The following MYOM2 variants were observed in gnomAD, a reference collection of about 807,000 sequenced individuals.
MYOM2 encodes myomesin 2, also known as myomesin-2.
A neutral mutation model predicts 187.6 loss-of-function variants in MYOM2; 254 were observed. The ratio of observed to expected loss-of-function variants is 1.35; its 90% CI spans 1.22 to 1.50. MYOM2 has a LOEUF of 1.50. MYOM2 is among the 40% of genes most tolerant of loss of function. The probability of loss-of-function intolerance (pLI) is 0.00; values close to 1 mark genes in which losing one functional copy is unlikely to be tolerated. For missense variants in MYOM2, 2,796 were observed against 1,924.0 expected, an observed-to-expected ratio of 1.45 and a Z score of -8.48; for synonymous variants, 981 against 753.8, an observed-to-expected ratio of 1.30 and a Z score of -4.94.
Position 2,094,007 on chromosome 8 carries a change from A to C in MYOM2, c.2041A>C (p.Ile681Leu), listed in dbSNP as rs78708377. ...CGGCTTAACCACGGGAGAGCAGTAC[A>C]TCTTCCGAGTCAAGGCGGTCAATGC... ...VHGLTTGEQY[I>L]FRVKAVNAVG... The change falls in exon 17 of 37, where the codon ATC becomes CTC. Residue 681 changes from isoleucine (I) to leucine (L), a missense_variant. Physicochemically the swap from Ile to Leu is conservative, Grantham distance 5. Coordinates refer to ENST00000262113, the MANE Select transcript of MYOM2 (RefSeq NM_003970.4). 6.2e-3 allele frequency: 10,064 copies of C among 1,614,144 alleles called. 99 individuals are homozygous for C. The highest frequency in any genetic ancestry group is 0.043 in the African/African-American group (3,234 of 75,030).
intron 8 of MYOM2, among the ~76,000 whole-genome samples, chr8:2,070,513 G>T (rs1477358846): frequency 2.0e-5 from 3 of 152,200 alleles, no homozygotes; most frequent in Admixed American, 6.5e-5. Context: ...CTGGGTGTCT[G>T]TGTGTAGCTC....
chr8:2,141,251 A>G, intron 34 of MYOM2, 74 bp downstream of exon 34: 1 of 1,344,152 alleles, frequency 7.4e-7, no homozygotes, highest in Non-Finnish European at 1.1e-6. Flanking sequence ...TGCATGTGGG[A>G]ATCTGTATGG....
chr8:2,106,693 G>A (rs1796906231), intron 23 of MYOM2, 96 bp downstream of exon 23: 3 of 824,006 alleles, frequency 3.6e-6, no homozygotes, highest in Non-Finnish European at 5.5e-6. Context: ...TTAGAAAAAA[G>A]ACGTATGTTT....
chr8:2,066,196 G>A (rs907493433), intron 6 of MYOM2, among the ~76,000 whole-genome samples: 3 of 152,186 alleles, frequency 2.0e-5, no homozygotes, highest in South Asian at 2.1e-4. Flanking sequence ...GCAGGGTCAC[G>A]TGCAGCGGTT....
Position 2,085,156 on chromosome 8 carries a change from A to G in MYOM2, c.1517-107A>G. 5 of 1,408,272 alleles carry G rather than the reference A, an allele frequency of 3.6e-6. No homozygotes were observed. In the South Asian group the frequency reaches 6.9e-5, roughly 19 times the overall value. The allele number at this position is 1,408,272 out of a possible 1,614,324, so 87.2% of individuals were successfully genotyped here. On this transcript the variant is annotated intron_variant, in intron 13 of 36. Transcript: ENST00000262113. ...TTGTTTGACTTCCCCAAATAGAAACAAAACAAGTTCAACACCCACGTGGCA... is the reference window on the plus strand; with the variant it reads ...TTGTTTGACTTCCCCAAATAGAAACGAAACAAGTTCAACACCCACGTGGCA...
rs936100458 is a variant in MYOM2, at chr8:2,092,537, C to G, written c.2003+17C>G. The G allele has an allele frequency of 1.2e-6, 2 of 1,612,524 alleles. No homozygotes were observed. The highest frequency in any genetic ancestry group is 8.5e-7 in the Non-Finnish European group (1 of 1,179,290). On this transcript the variant is annotated intron_variant, in intron 16 of 36. Transcript: ENST00000262113. The stretch of plus-strand genomic sequence containing the variant: ...ATACAACAGGTGCGGCCTCCCTCCC[C>G]AGCCCTGGAGTCAGCCTTGCAGGAG...
In MYOM2 at chr8:2,145,388, C is replaced by G. The variant is rs897936916; in HGVS notation, c.*407C>G. 3 of 265,036 alleles carry G rather than the reference C, an allele frequency of 1.1e-5. No homozygotes were observed. The highest frequency in any genetic ancestry group is 2.1e-5 in the Non-Finnish European group (3 of 142,778). The allele number at this position is 265,036 out of a possible 1,614,324, so 16.4% of individuals were successfully genotyped here. The stretch of plus-strand genomic sequence containing the variant: ...ATCTCTGAAATCCTGGCTGTCGAGG[C>G]TTTGAAGCATGTGTTACCTGGTTAA... On this transcript the variant is annotated 3_prime_UTR_variant, in exon 37 of 37. Transcript: ENST00000262113.
intron 21 of MYOM2, among the ~76,000 whole-genome samples, chr8:2,104,821 G>C (rs1796838261): frequency 6.6e-6 from 1 of 152,034 alleles, no homozygotes; most frequent in Admixed American, 6.5e-5. Context: ...ACTCTCACTG[G>C]AACTACTCCA....
At chr8:2,045,986 C>T (rs149654709) in intron 1 of MYOM2, among the ~76,000 whole-genome samples, 120 of 152,332 alleles carry the variant, frequency 7.9e-4, no homozygotes, top group Admixed American at 2.3e-3. Flanking sequence ...TCAAAGAAAG[C>T]GTGGAACAAA....
In MYOM2 at chr8:2,073,216, G is replaced by C; in HGVS notation, c.959-123G>C. On this transcript the variant is annotated intron_variant, in intron 9 of 36. Coordinates refer to ENST00000262113, the MANE Select transcript of MYOM2 (RefSeq NM_003970.4). ...TGGGATTTTACCAGGCTGAGGCTCT[G>C]CCTTCCGTGGTGTCCAGCTCGACTG... 16 of 1,070,150 alleles carry C rather than the reference G, an allele frequency of 1.5e-5. No individual in the cohort carries two copies. The Middle Eastern group carries it at 1.0e-3, about 67-fold the overall frequency. The allele number at this position is 1,070,150 out of a possible 1,614,324, so 66.3% of individuals were successfully genotyped here. A position where few individuals can be genotyped will look rare whatever the true frequency, so the allele number is the denominator to read the frequency against.
intron 25 of MYOM2, among the ~76,000 whole-genome samples, chr8:2,113,356 C>T (rs997613852): frequency 1.3e-5 from 2 of 152,232 alleles, no homozygotes; most frequent in Non-Finnish European, 2.9e-5. Flanking sequence ...GCAGCCATAA[C>T]ACCTTTCAGT....
At chr8:2,086,224 T>TGTGGCCCCCCACTGTTGTGATCTTTGC (rs1796037513) in intron 14 of MYOM2, among the ~76,000 whole-genome samples, 1 of 8,574 alleles carries the variant, frequency 1.2e-4, no homozygotes, top group African/African-American at 8.7e-4. Flanking sequence ...ATGATCTCTT[T>TGTGGCCCCCCACTGTTGTGATCTTTGC]GTGGCCCCCC....
chr8:2,057,788 G>C lies in MYOM2; in HGVS notation c.560+8G>C. 6.2e-7 allele frequency: 1 copy of C among 1,612,706 alleles called. No individual in the cohort carries two copies. Among genetic ancestry groups the C allele is most frequent in the Non-Finnish European group, 8.5e-7 (1 of 1,179,042 alleles). On this transcript the variant is annotated splice_region_variant and intron_variant, in intron 5 of 36. Coordinates refer to ENST00000262113, the MANE Select transcript of MYOM2 (RefSeq NM_003970.4). ...CACGCCCGTGGTGCAGTGGTGAGGG[G>C]CTCTGTTCCCAGGGGGTGAAGAAGT...
rs948255554 is a variant in MYOM2 at position 2,100,876 on chromosome 8, G to C, written c.2441G>C (p.Gly814Ala). The C allele has an allele frequency of 5.0e-6, 8 of 1,613,990 alleles. No individual in the cohort carries two copies. Among genetic ancestry groups the C allele is most frequent in the African/African-American group, 4.0e-5 (3 of 74,922 alleles). The change falls in exon 20 of 37, where the codon GGT (glycine) becomes GCT (alanine). Residue 814 changes from glycine to alanine, a missense_variant and splice_region_variant. Gly to Ala is a moderately conservative substitution (Grantham distance 60). Coordinates refer to ENST00000262113, the MANE Select transcript of MYOM2 (RefSeq NM_003970.4). ...KCEAWTMPEPGPAYDLTFCEV... is the reference protein window; with the variant it reads ...KCEAWTMPEPAPAYDLTFCEV... ...AACAAGGTGGCATCTGACTTCACAGGTCCTGCCTACGACTTGACGTTCTGT... is the reference window on the plus strand; with the variant it reads ...AACAAGGTGGCATCTGACTTCACAGCTCCTGCCTACGACTTGACGTTCTGT...
In MYOM2 at chr8:2,129,147, A is replaced by G. The variant is rs1585958980; in HGVS notation, c.3715A>G (p.Lys1239Glu). The change falls in exon 32 of 37, where the codon AAG (lysine) becomes GAG (glutamate). Residue 1239 changes from lysine to glutamate, a missense_variant. Coordinates refer to ENST00000262113, the MANE Select transcript of MYOM2 (RefSeq NM_003970.4). Reference protein sequence around the residue: ...RVCGKSASPLKVLCTPEGIRL... With the variant: ...RVCGKSASPLEVLCTPEGIRL... The stretch of plus-strand genomic sequence containing the variant: ...TGCAGGGAAATCTGCTTCGCCACTG[A>G]AGGTACTCTGCACCCCAGAAGGAAT... 6.2e-7 allele frequency: 1 copy of G among 1,609,158 alleles called. No individual in the cohort carries two copies. Among genetic ancestry groups the G allele is most frequent in the East Asian group, 2.2e-5 (1 of 44,760 alleles).
At chr8:2,130,070 A>G (rs1156319273) in intron 32 of MYOM2, among the ~76,000 whole-genome samples, 2 of 152,102 alleles carry the variant, frequency 1.3e-5, no homozygotes, top group Non-Finnish European at 2.9e-5. Context: ...AACGCCCGTC[A>G]GTACACTGTA....
intron 35 of MYOM2, 62 bp downstream of exon 35, chr8:2,142,459 A>C: frequency 6.4e-7 from 1 of 1,570,314 alleles, no homozygotes; most frequent in Non-Finnish European, 8.8e-7. Context: ...AAAAGTGTCC[A>C]TATTTTGGAG....
chr8:2,061,175 G>A (rs2129330733), intron 6 of MYOM2, among the ~76,000 whole-genome samples: 1 of 151,792 alleles, frequency 6.6e-6, no homozygotes, highest in Non-Finnish European at 1.5e-5. Context: ...GCTGTCTCCG[G>A]TTTAGTGAGG....
chr8:2,094,961 G>A (rs1056846825), intron 17 of MYOM2, among the ~76,000 whole-genome samples: 1 of 152,142 alleles, frequency 6.6e-6, no homozygotes, highest in Non-Finnish European at 1.5e-5. Flanking sequence ...GGAAGTCAGT[G>A]CGCATACTCA....
Sources: allele counts gnomAD v4.1 joint callset (sites outside exome capture counted in the v4.1 genomes callset), GRCh38; gene constraint gnomAD v4.1.1; transcripts MANE v1.5; gene names NCBI Gene and HGNC (gene_info 2026-07-23, HGNC 2026-07-21).